LOC128125817: variants seen among roughly 807,000 people sequenced by gnomAD.
At chr1:41,589,535 G>T in the LOC128125817 span, among the ~76,000 whole-genome samples, 1 of 152,210 alleles carries the variant, frequency 6.6e-6, no homozygotes, top group Non-Finnish European at 1.5e-5. Context: ...TATCGAAGGC[G>T]TCAGGACAAC....
At chr1:41,617,949 T>C in the LOC128125817 span, among the ~76,000 whole-genome samples, 137 of 152,282 alleles carry the variant, frequency 9.0e-4, 4 homozygotes, top group Middle Eastern at 3.4e-3. Flanking sequence ...TCACATGTCA[T>C]TGGGTGTGTG....
the LOC128125817 span, among the ~76,000 whole-genome samples, chr1:41,589,473 GC>G: frequency 6.6e-6 from 1 of 152,348 alleles, no homozygotes; most frequent in South Asian, 2.1e-4. Flanking sequence ...GGAGCCCGGG[GC>G]CAAGGCAGGG....
At chr1:41,617,208 G>A in the LOC128125817 span, among the ~76,000 whole-genome samples, 1 of 149,362 alleles carries the variant, frequency 6.7e-6, no homozygotes, top group African/African-American at 2.5e-5. Context: ...CTAGAATTTT[G>A]CCATAAACAT....
At chr1:41,625,961 G>C in the LOC128125817 span, among the ~76,000 whole-genome samples, 7 of 152,170 alleles carry the variant, frequency 4.6e-5, no homozygotes, top group African/African-American at 1.4e-4. Flanking sequence ...GACTATAAAA[G>C]TTTGAAAACT....
At chr1:41,622,195 C>T in the LOC128125817 span, among the ~76,000 whole-genome samples, 1 of 152,164 alleles carries the variant, frequency 6.6e-6, no homozygotes, top group Admixed American at 6.5e-5. Flanking sequence ...TAGAGGGGAG[C>T]CCCTCTCATG....
At chr1:41,589,179 G>A in the LOC128125817 span, among the ~76,000 whole-genome samples, 1 of 152,190 alleles carries the variant, frequency 6.6e-6, no homozygotes, top group Non-Finnish European at 1.5e-5. Flanking sequence ...AGTCACCAGA[G>A]AAATGGGCCC....
the LOC128125817 span, among the ~76,000 whole-genome samples, chr1:41,591,119 A>G: frequency 6.6e-6 from 1 of 152,216 alleles, no homozygotes; most frequent in Non-Finnish European, 1.5e-5. Flanking sequence ...AGGGGCTGTC[A>G]TGGCTGTGTG....
At chr1:41,593,947 C>T in the LOC128125817 span, among the ~76,000 whole-genome samples, 1 of 152,094 alleles carries the variant, frequency 6.6e-6, no homozygotes, top group Non-Finnish European at 1.5e-5. Context: ...TGGAAGGCTC[C>T]CCTTCCACCT....
the LOC128125817 span, among the ~76,000 whole-genome samples, chr1:41,616,531 C>G: frequency 6.6e-6 from 1 of 150,752 alleles, no homozygotes; most frequent in Non-Finnish European, 1.5e-5. Context: ...AGAGGCTGCT[C>G]TCAGGAGGCC....
At chr1:41,600,563 G>A in the LOC128125817 span, among the ~76,000 whole-genome samples, 1 of 152,122 alleles carries the variant, frequency 6.6e-6, no homozygotes, top group Non-Finnish European at 1.5e-5. Context: ...GGGAATGGGG[G>A]GCTGTTGTTT....
At chr1:41,619,642 T>A in the LOC128125817 span, among the ~76,000 whole-genome samples, 1 of 152,076 alleles carries the variant, frequency 6.6e-6, no homozygotes, top group Non-Finnish European at 1.5e-5. Flanking sequence ...GTCACCTGAC[T>A]GGTATGGGTG....
At chr1:41,588,975 G>T in the LOC128125817 span, among the ~76,000 whole-genome samples, 2 of 152,196 alleles carry the variant, frequency 1.3e-5, no homozygotes, top group East Asian at 1.9e-4. Context: ...GGAGACTTCT[G>T]TCTTGGAATG....
the LOC128125817 span, among the ~76,000 whole-genome samples, chr1:41,586,026 A>G: frequency 1.3e-5 from 2 of 152,182 alleles, no homozygotes; most frequent in African/African-American, 2.4e-5. Flanking sequence ...GCCTGTGAGA[A>G]CTTACAATCT....
chr1:41,628,020 C>T, the LOC128125817 span, among the ~76,000 whole-genome samples: 2 of 152,184 alleles, frequency 1.3e-5, no homozygotes, highest in African/African-American at 4.8e-5. Flanking sequence ...GCTTCTAACA[C>T]TGCACACCTA....
At chr1:41,623,926 C>A in the LOC128125817 span, among the ~76,000 whole-genome samples, 1 of 152,156 alleles carries the variant, frequency 6.6e-6, no homozygotes, top group Admixed American at 6.5e-5. Flanking sequence ...TGCTCCCCAC[C>A]CCCACTTCTC....
At chr1:41,585,939 C>T in the LOC128125817 span, among the ~76,000 whole-genome samples, 1 of 152,282 alleles carries the variant, frequency 6.6e-6, no homozygotes, top group African/African-American at 2.4e-5. Flanking sequence ...CAAGGGACAT[C>T]ATTCACTGCT....
the LOC128125817 span, among the ~76,000 whole-genome samples, chr1:41,587,522 G>A: frequency 1.3e-5 from 2 of 152,188 alleles, no homozygotes. Flanking sequence ...AGGCAAACCA[G>A]GACAAAATGG....
the LOC128125817 span, among the ~76,000 whole-genome samples, chr1:41,595,901 G>A: frequency 6.6e-6 from 1 of 152,100 alleles, no homozygotes; most frequent in African/African-American, 2.4e-5. Context: ...GGCCTATTGT[G>A]GGACCTCACC....
the LOC128125817 span, among the ~76,000 whole-genome samples, chr1:41,609,832 T>A: frequency 6.6e-6 from 1 of 152,384 alleles, no homozygotes; most frequent in African/African-American, 2.4e-5. Flanking sequence ...TAATTTTGTG[T>A]CAAGTTGGCT....
Sources: allele counts gnomAD v4.1 joint callset (sites outside exome capture counted in the v4.1 genomes callset), GRCh38; gene constraint gnomAD v4.1.1; transcripts MANE v1.5.